Variants in RALGAPA2 observed in about 807,000 individuals in gnomAD.
RALGAPA2 encodes the protein Ral GTPase activating protein catalytic subunit alpha 2.
A neutral mutation model predicts 230.4 loss-of-function variants in RALGAPA2; 139 were observed. The ratio of observed to expected loss-of-function variants is 0.60; its 90% CI spans 0.53 to 0.69. RALGAPA2 has a LOEUF of 0.69. Ranked by LOEUF, RALGAPA2 falls within the 30% of genes least tolerant of loss-of-function variation. The probability of loss-of-function intolerance (pLI) is 0.00; values close to 1 mark genes in which losing one functional copy is unlikely to be tolerated. For synonymous variants in RALGAPA2, 847 were observed against 837.8 expected (o/e 1.01, Z -0.19); for missense variants, 2,163 against 2,276.0 (o/e 0.95, Z 1.01).
intron 37 of RALGAPA2, among the ~76,000 whole-genome samples, chr20:20,425,966 T>C (rs1008884498): frequency 2.0e-5 from 3 of 152,154 alleles, no homozygotes; most frequent in African/African-American, 7.2e-5. Context: ...GACACAAGGG[T>C]TGAGCCATCA....
At chr20:20,513,687 G>A (rs1025067767) in intron 31 of RALGAPA2, among the ~76,000 whole-genome samples, 3 of 152,166 alleles carry the variant, frequency 2.0e-5, no homozygotes, top group Non-Finnish European at 2.9e-5. Flanking sequence ...AAGCCCCAGA[G>A]CTATCTTGGG....
intron 2 of RALGAPA2, among the ~76,000 whole-genome samples, chr20:20,677,331 AAGCC>A (rs754479662): frequency 1.3e-5 from 2 of 152,176 alleles, no homozygotes; most frequent in Non-Finnish European, 2.9e-5. Context: ...GTTAGGAAGC[AAGCC>A]ATATGGAAAT....
chr20:20,422,908 T>G (rs147258449), intron 37 of RALGAPA2, among the ~76,000 whole-genome samples: 85 of 152,076 alleles, frequency 5.6e-4, no homozygotes, highest in African/African-American at 2.0e-3. Flanking sequence ...GAATGAGGAG[T>G]GGGTCTTCGT....
intron 1 of RALGAPA2, among the ~76,000 whole-genome samples, chr20:20,705,876 C>G (rs947982172): frequency 6.6e-6 from 1 of 152,162 alleles, no homozygotes; most frequent in Non-Finnish European, 1.5e-5. Context: ...ACCATGTTGG[C>G]CAGGCTGGCC....
chr20:20,656,143 C>T (rs373702195), intron 3 of RALGAPA2, among the ~76,000 whole-genome samples: 25 of 152,124 alleles, frequency 1.6e-4, no homozygotes, highest in South Asian at 8.3e-4. Flanking sequence ...GTTTAAAATA[C>T]GACAAGATGA....
At chr20:20,703,601 T>C (rs991215161) in intron 1 of RALGAPA2, among the ~76,000 whole-genome samples, 1 of 152,234 alleles carries the variant, frequency 6.6e-6, no homozygotes, top group Non-Finnish European at 1.5e-5. Context: ...TTTGATTAAA[T>C]GAGACTATGA....
In RALGAPA2 at chr20:20,683,077, A is replaced by G. The variant is rs79665425; in HGVS notation, c.107-2276T>C. ...GGCTTTTCCGTCCCAGTAAGTTGGA[A>G]CCTCCATCCACCCCGCTGCTCTGGC... On this transcript the variant is annotated intron_variant, in intron 1 of 39. Coordinates refer to ENST00000202677, the MANE Select transcript of RALGAPA2 (RefSeq NM_020343.4). Among the ~76,000 whole-genome samples the G allele has an allele frequency of 8.5e-3, 1,292 of 152,148 alleles. 17 individuals are homozygous for G. The highest frequency in any genetic ancestry group is 0.03 in the African/African-American group (1,227 of 41,496).
intron 37 of RALGAPA2, among the ~76,000 whole-genome samples, chr20:20,444,165 A>G (rs2060807318): frequency 6.6e-6 from 1 of 152,122 alleles, no homozygotes; most frequent in South Asian, 2.1e-4. Context: ...TTCCTCTGGA[A>G]TCCTCCCCTC....
chr20:20,675,391 A>T (rs2068282440), intron 3 of RALGAPA2, among the ~76,000 whole-genome samples: 1 of 152,094 alleles, frequency 6.6e-6, no homozygotes, highest in Admixed American at 6.5e-5. Flanking sequence ...CTCCTACTGT[A>T]GGAGATCTTT....
In RALGAPA2 at chr20:20,689,950, C is replaced by T. The variant is rs576202206; in HGVS notation, c.107-9149G>A. Among the ~76,000 whole-genome samples, 15 of 152,208 alleles carry T rather than the reference C, an allele frequency of 9.9e-5. No individual in the cohort carries two copies. The South Asian group carries it at 2.9e-3, about 29-fold the overall frequency. Reference sequence around the variant, plus strand: ...TTTTCTGCTTCAAGAAAATCCACCCCTAACCTCACTCACCCTTCCCCAAAC... The same window carrying T: ...TTTTCTGCTTCAAGAAAATCCACCCTTAACCTCACTCACCCTTCCCCAAAC... On this transcript the variant is annotated intron_variant, in intron 1 of 39. Transcript: ENST00000202677.
At position 20,492,824 on chromosome 20, in the gene RALGAPA2, G is replaced by A. The variant is rs980015498; in HGVS notation, c.5367+2293C>T. ...CTTTGTTGAGCAAAGACTGCATCAC[G>A]GTTACTGATAATTATATTGCTTAAT... On this transcript the variant is annotated intron_variant, in intron 36 of 39. Coordinates refer to ENST00000202677, the MANE Select transcript of RALGAPA2 (RefSeq NM_020343.4). 2.0e-5 allele frequency among the ~76,000 whole-genome samples: 3 copies of A among 152,022 alleles called. No homozygotes were observed. The East Asian group carries it at 5.8e-4, about 29-fold the overall frequency.
intron 4 of RALGAPA2, among the ~76,000 whole-genome samples, chr20:20,645,495 T>C (rs1603184938): frequency 6.6e-6 from 1 of 152,210 alleles, no homozygotes; most frequent in South Asian, 2.1e-4. Flanking sequence ...GAAAAATACA[T>C]ATAGAAAGGG....
chr20:20,542,009 C>T lies in RALGAPA2; in HGVS notation c.3285+4695G>A, dbSNP rs139089036. On this transcript the variant is annotated intron_variant, in intron 24 of 39. Coordinates refer to ENST00000202677, the MANE Select transcript of RALGAPA2 (RefSeq NM_020343.4). ...TGACATGATTGTATATTTAGAAAAC[C>T]TGATCTTATCAGCCCAAAAACTCTT... 4.6e-3 allele frequency among the ~76,000 whole-genome samples: 702 copies of T among 152,252 alleles called. 12 individuals are homozygous for T. The highest frequency in any genetic ancestry group is 0.039 in the Admixed American group (600 of 15,288).
intron 23 of RALGAPA2, among the ~76,000 whole-genome samples, chr20:20,547,331 T>C (rs146637719): frequency 2.5e-4 from 38 of 152,268 alleles, no homozygotes; most frequent in Non-Finnish European, 5.0e-4. Flanking sequence ...TAAGGTGACG[T>C]TGTAATCAGT....
rs190349905 is a variant in RALGAPA2 at position 20,443,255 on chromosome 20, G to A, written c.5495+29574C>T. Among the ~76,000 whole-genome samples the A allele has an allele frequency of 1.1e-4, 16 of 152,318 alleles. No individual in the cohort carries two copies. In the East Asian group the frequency reaches 2.7e-3, roughly 26 times the overall value. ...TGGCGTGGGGATGTAATTTGAAGGG[G>A]ACTGCATTCATTTCCTGGATGAGGA... is the stretch of plus-strand genomic sequence containing the variant. On this transcript the variant is annotated intron_variant, in intron 37 of 39. Transcript: ENST00000202677.
chr20:20,614,979 C>A (rs1458247815), intron 13 of RALGAPA2, among the ~76,000 whole-genome samples: 1 of 152,040 alleles, frequency 6.6e-6, no homozygotes, highest in Admixed American at 6.6e-5. Context: ...AGCTTGATTG[C>A]ACAAGGGTGG....
chr20:20,619,705 A>G (rs1047141860), intron 11 of RALGAPA2, among the ~76,000 whole-genome samples: 6 of 152,188 alleles, frequency 3.9e-5, no homozygotes, highest in Non-Finnish European at 8.8e-5. Flanking sequence ...AATGAATGAT[A>G]ATTTGCTTAC....
intron 33 of RALGAPA2, among the ~76,000 whole-genome samples, chr20:20,509,187 A>C (rs143002382): frequency 2.6e-5 from 4 of 152,336 alleles, no homozygotes; most frequent in African/African-American, 9.6e-5. Context: ...TCCATAGAGA[A>C]GTTGATCTAT....
At chr20:20,514,484 T>A (rs1216557246) in intron 31 of RALGAPA2, among the ~76,000 whole-genome samples, 1 of 151,938 alleles carries the variant, frequency 6.6e-6, no homozygotes, top group Admixed American at 6.5e-5. Context: ...CCCTCTCCAC[T>A]CCACATCCAG....
Sources: gnomAD v4.1 joint callset for allele counts (sites outside exome capture counted in the v4.1 genomes callset) on GRCh38, gnomAD v4.1.1 for gene constraint, MANE v1.5 for transcripts, NCBI Gene and HGNC (gene_info 2026-07-23, HGNC 2026-07-21) for gene names.